Variants in DGKI observed in about 807,000 individuals in gnomAD.
DGKI encodes the protein DAG kinase iota.
DGKI carries 55 observed loss-of-function variants against 147.5 expected under a neutral mutation model. The ratio of observed to expected loss-of-function variants is 0.37; its 90% CI spans 0.30 to 0.47. The LOEUF is 0.47. Ranked by LOEUF, DGKI falls within the 20% of genes least tolerant of loss-of-function variation. The pLI, the probability that DGKI is intolerant of heterozygous loss-of-function variation, is 1.00. For missense variants in DGKI, 1,007 were observed against 1,323.8 expected (o/e 0.76, Z 3.71); for synonymous variants, 469 against 477.1 (o/e 0.98, Z 0.22).
chr7:137,442,268 C>A (rs1813539658), intron 28 of DGKI, among the ~76,000 whole-genome samples: 1 of 152,168 alleles, frequency 6.6e-6, no homozygotes, highest in South Asian at 2.1e-4. Context: ...TGCTCTTAAT[C>A]TTCCAAGCAA....
At position 137,395,695 on chromosome 7, in the gene DGKI, C is replaced by T; in HGVS notation, c.2960G>A (p.Gly987Asp). The T allele has an allele frequency of 1.2e-6, 2 of 1,613,576 alleles. No individual in the cohort carries two copies. Among genetic ancestry groups the T allele is most frequent in the South Asian group, 1.1e-5 (1 of 91,080 alleles). Residue 987 changes from glycine (G) to aspartate (D), a missense_variant and splice_region_variant, in exon 32 of 33, where the codon GGT becomes GAT. This residue lies in a region of DGKI where 385 missense variants were observed against 445.2 expected (regional missense o/e 0.86). Coordinates refer to ENST00000614521, the MANE Select transcript of DGKI (RefSeq NM_001321708.2). ...GGCAGCCTTGTGCAGTGCAGTCTCA[C>T]CCCTAAATCAAAGATGAAATGGGAA... ...ELLDMADSET[G>D]ETALHKAACQ...
intron 1 of DGKI, among the ~76,000 whole-genome samples, chr7:137,843,036 T>C (rs1337725972): frequency 6.6e-6 from 1 of 152,134 alleles, no homozygotes; most frequent in Non-Finnish European, 1.5e-5. Flanking sequence ...GTGTTTTAAA[T>C]TCTGCCTCCT....
chr7:137,765,946 C>T (rs1236066696), intron 1 of DGKI, among the ~76,000 whole-genome samples: 2 of 152,176 alleles, frequency 1.3e-5, no homozygotes, highest in African/African-American at 2.4e-5. Flanking sequence ...GCATTTAAAT[C>T]AGTATGGCAA....
intron 1 of DGKI, among the ~76,000 whole-genome samples, chr7:137,806,183 G>A (rs928876473): frequency 6.6e-6 from 1 of 152,202 alleles, no homozygotes; most frequent in African/African-American, 2.4e-5. Flanking sequence ...GAAAAACGGA[G>A]ATATCAGTGA....
chr7:137,825,660 AC>A (rs1165345602), intron 1 of DGKI, among the ~76,000 whole-genome samples: 1 of 151,788 alleles, frequency 6.6e-6, no homozygotes, highest in East Asian at 1.9e-4. Flanking sequence ...GCACTCACAC[AC>A]ATACACACAC....
chr7:137,756,521 A>G (rs1336051578), intron 1 of DGKI, among the ~76,000 whole-genome samples: 2 of 152,250 alleles, frequency 1.3e-5, no homozygotes, highest in Non-Finnish European at 2.9e-5. Flanking sequence ...AATCCAATTA[A>G]GGAATTCACC....
At chr7:137,518,931 C>T (rs139650367) in intron 21 of DGKI, among the ~76,000 whole-genome samples, 2 of 152,052 alleles carry the variant, frequency 1.3e-5, no homozygotes, top group Admixed American at 1.3e-4. Context: ...TACAGATTTG[C>T]TTTAATTTTT....
At chr7:137,397,329 T>A (rs756905088) in intron 31 of DGKI, 48 bp downstream of exon 31, 19 of 1,548,112 alleles carry the variant, frequency 1.2e-5, no homozygotes, top group Non-Finnish European at 1.7e-5. Flanking sequence ...CTCCCAGATA[T>A]GTTCTGAAGA....
intron 20 of DGKI, among the ~76,000 whole-genome samples, chr7:137,525,805 T>G (rs1331601763): frequency 1.3e-5 from 2 of 152,180 alleles, no homozygotes; most frequent in South Asian, 2.1e-4. Flanking sequence ...CAACAGCATT[T>G]GCTGCTTCTG....
intron 20 of DGKI, among the ~76,000 whole-genome samples, chr7:137,542,160 G>A (rs186263149): frequency 6.6e-6 from 1 of 152,288 alleles, no homozygotes; most frequent in East Asian, 1.9e-4. Context: ...ATCATATATT[G>A]CTGGTAGAAA....
chr7:137,456,790 T>G (rs888143789), intron 27 of DGKI, among the ~76,000 whole-genome samples: 1 of 152,178 alleles, frequency 6.6e-6, no homozygotes, highest in South Asian at 2.1e-4. Flanking sequence ...TAAAGTAAGT[T>G]TGTTTGTTTT....
intron 21 of DGKI, among the ~76,000 whole-genome samples, chr7:137,502,824 G>T (rs1401008932): frequency 6.6e-6 from 1 of 152,070 alleles, no homozygotes; most frequent in Non-Finnish European, 1.5e-5. Flanking sequence ...AACTTGGGCT[G>T]CACATAAGGA....
intron 1 of DGKI, among the ~76,000 whole-genome samples, chr7:137,825,342 T>C (rs935542771): frequency 1.3e-5 from 2 of 152,134 alleles, no homozygotes; most frequent in Admixed American, 6.6e-5. Context: ...CCTAAGAAGT[T>C]TGTAATGTCT....
At chr7:137,610,020 AAGG>A (rs1820311716) in intron 8 of DGKI, among the ~76,000 whole-genome samples, 1 of 152,110 alleles carries the variant, frequency 6.6e-6, no homozygotes, top group Admixed American at 6.6e-5. Flanking sequence ...AAATGTAAAA[AAGG>A]AGGCCATTTT....
intron 28 of DGKI, among the ~76,000 whole-genome samples, chr7:137,425,684 C>A (rs1017257789): frequency 6.6e-6 from 1 of 152,052 alleles, no homozygotes; most frequent in Non-Finnish European, 1.5e-5. Context: ...CTAGAATAAC[C>A]AATACAGAGA....
chr7:137,738,996 C>G (rs1002560229), intron 1 of DGKI, among the ~76,000 whole-genome samples: 1 of 152,134 alleles, frequency 6.6e-6, no homozygotes, highest in East Asian at 1.9e-4. Context: ...TAATGAAAAG[C>G]TGACTCCCTC....
intron 32 of DGKI, among the ~76,000 whole-genome samples, chr7:137,391,576 G>C (rs904187960): frequency 6.6e-6 from 1 of 152,278 alleles, no homozygotes; most frequent in East Asian, 1.9e-4. Context: ...GAAAGGGAAA[G>C]AGTTTATCAC....
intron 1 of DGKI, among the ~76,000 whole-genome samples, chr7:137,715,233 A>T (rs1585401323): frequency 6.6e-6 from 1 of 152,212 alleles, no homozygotes; most frequent in Non-Finnish European, 1.5e-5. Flanking sequence ...CGGTGATTCA[A>T]ATGTGCAGCC....
At chr7:137,543,834 G>T (rs556544953) in intron 20 of DGKI, among the ~76,000 whole-genome samples, 1 of 152,070 alleles carries the variant, frequency 6.6e-6, no homozygotes, top group African/African-American at 2.4e-5. Flanking sequence ...AAGGCTATCC[G>T]CACTGCCATA....
Sources: gnomAD v4.1 joint callset for allele counts (sites outside exome capture counted in the v4.1 genomes callset) on GRCh38, gnomAD v4.1.1 for gene constraint, gnomAD v4.1.1 regional missense constraint, MANE v1.5 for transcripts, NCBI Gene and HGNC (gene_info 2026-07-23, HGNC 2026-07-21) for gene names.